SLC2A13: variants seen among roughly 807,000 people sequenced by gnomAD.
The protein encoded by SLC2A13 is solute carrier family 2 member 13.
A neutral mutation model predicts 64.4 loss-of-function variants in SLC2A13; 32 were observed. That is an observed-to-expected ratio of 0.50 (90% CI 0.37 to 0.67). The LOEUF is 0.67. SLC2A13 is among the 30% of genes least tolerant of loss of function. The pLI is 0.00. For missense variants in SLC2A13, 743 were observed against 829.2 expected, an observed-to-expected ratio of 0.90 and a Z score of 1.28; for synonymous variants, 338 against 327.1, an observed-to-expected ratio of 1.03 and a Z score of -0.36.
At chr12:40,033,138 G>A (rs940832180) in intron 2 of SLC2A13, among the ~76,000 whole-genome samples, 1 of 152,128 alleles carries the variant, frequency 6.6e-6, no homozygotes, top group Non-Finnish European at 1.5e-5. Flanking sequence ...ACAAAGCAAT[G>A]AGGCACAAAG....
intron 7 of SLC2A13, among the ~76,000 whole-genome samples, chr12:39,822,836 T>G (rs1942562235): frequency 6.6e-6 from 1 of 152,248 alleles, no homozygotes; most frequent in African/African-American, 2.4e-5. Context: ...TGAATATCGC[T>G]ACTTGGATAA....
At chr12:39,859,720 T>C (rs1943707929) in intron 6 of SLC2A13, among the ~76,000 whole-genome samples, 1 of 151,950 alleles carries the variant, frequency 6.6e-6, no homozygotes, top group Non-Finnish European at 1.5e-5. Context: ...AGAGCTGGGG[T>C]TTCACCATGT....
intron 1 of SLC2A13, among the ~76,000 whole-genome samples, chr12:40,078,426 T>C (rs1938264730): frequency 1.3e-5 from 2 of 152,228 alleles, no homozygotes; most frequent in Admixed American, 6.5e-5. Flanking sequence ...TTTTCAGTTT[T>C]ATGTGATAAA....
At chr12:40,075,762 T>G (rs1336612777) in intron 1 of SLC2A13, among the ~76,000 whole-genome samples, 3 of 152,192 alleles carry the variant, frequency 2.0e-5, no homozygotes, top group Non-Finnish European at 2.9e-5. Flanking sequence ...GTCCTACAAG[T>G]CCTTAAGAGT....
intron 4 of SLC2A13, among the ~76,000 whole-genome samples, chr12:39,913,523 A>T (rs999707316): frequency 1.3e-5 from 2 of 151,830 alleles, no homozygotes; most frequent in African/African-American, 4.8e-5. Context: ...AAAAAAAAAA[A>T]TCTAGCATTA....
Position 40,105,704 on chromosome 12 carries a change from C to A in SLC2A13, c.105G>T (p.Ala35=), listed in dbSNP as rs1939289052. ...CAGCCAGGAGGCTGCACTCCCCGGC[C>A]GCGCTCGCCGCGTCCGGCTCCGGCT... The part of the protein sequence containing the change: ...RKQPEPDAAS[A]AGECSLLAAA... Residue 35 remains alanine (A), a synonymous_variant, in exon 1 of 10, where the codon GCG becomes GCT. Coordinates refer to ENST00000280871, the MANE Select transcript of SLC2A13 (RefSeq NM_052885.4). The surrounding 1 kb of genome is among the most constrained non-coding windows in gnomAD (Gnocchi z 4.2). 2.7e-6 allele frequency: 4 copies of A among 1,480,688 alleles called. No homozygotes were observed. Among genetic ancestry groups the A allele is most frequent in the Non-Finnish European group, 3.6e-6 (4 of 1,116,022 alleles). The allele number at this position is 1,480,688 out of a possible 1,614,324, so 91.7% of individuals were successfully genotyped here.
intron 6 of SLC2A13, among the ~76,000 whole-genome samples, chr12:39,855,017 T>C (rs1320984053): frequency 6.6e-6 from 1 of 152,204 alleles, no homozygotes; most frequent in African/African-American, 2.4e-5. Flanking sequence ...TACTGAAATT[T>C]AGCATTTCCT....
chr12:39,896,101 TATAC>T (rs1396934948), intron 4 of SLC2A13, among the ~76,000 whole-genome samples: 1 of 149,312 alleles, frequency 6.7e-6, no homozygotes, highest in Admixed American at 6.7e-5. Context: ...TATACACGTG[TATAC>T]ATATATGAAT....
At chr12:40,067,373 T>C (rs1397444767) in intron 1 of SLC2A13, among the ~76,000 whole-genome samples, 2 of 152,140 alleles carry the variant, frequency 1.3e-5, no homozygotes, top group Non-Finnish European at 2.9e-5. Context: ...GGCTAATTTT[T>C]TAATTTTTTA....
At chr12:39,893,301 C>CTCTTT (rs1217421173) in intron 4 of SLC2A13, among the ~76,000 whole-genome samples, 2 of 152,082 alleles carry the variant, frequency 1.3e-5, no homozygotes, top group African/African-American at 2.4e-5. Flanking sequence ...AGTTTTATAG[C>CTCTTT]TCTTTTCTTT....
In SLC2A13 at chr12:39,924,468, ATTC is replaced by A. The variant is rs369653664; in HGVS notation, c.1034+26786_1034+26788del. On this transcript the variant is annotated intron_variant, in intron 4 of 9. Transcript: ENST00000280871. ...GTATTTGCTTCAATCACTGTTTTCA[ATTC>A]TTCTTCCTTCATTTTTTTTCTTTCA... 2.4e-3 allele frequency among the ~76,000 whole-genome samples: 362 copies of A among 152,040 alleles called. 1 individual carries two copies. The highest frequency in any genetic ancestry group is 7.7e-3 in the African/African-American group (321 of 41,456).
intron 7 of SLC2A13, among the ~76,000 whole-genome samples, chr12:39,801,295 G>T (rs1219936674): frequency 1.4e-5 from 2 of 141,806 alleles, no homozygotes; most frequent in African/African-American, 2.6e-5. Context: ...TTTTATAATA[G>T]TGTTTCACTT....
At chr12:39,783,518 C>T (rs201155053) in intron 7 of SLC2A13, among the ~76,000 whole-genome samples, 20,626 of 152,142 alleles carry the variant, frequency 0.14, 1,683 homozygotes, top group East Asian at 0.39. Context: ...TACCCCACAT[C>T]CTCTCCAGCA....
rs985938600 is a variant in SLC2A13, at chr12:39,928,722, G to T, written c.1034+22535C>A. Among the ~76,000 whole-genome samples the T allele has an allele frequency of 2.0e-5, 3 of 152,114 alleles. No individual in the cohort carries two copies. The South Asian group carries it at 6.2e-4, about 32-fold the overall frequency. Reference sequence around the variant, plus strand: ...ATTAAAGTTTGTATGCAAGGATAAAGAACATCAGACTGGAAGCTTTGGACA... The same window carrying T: ...ATTAAAGTTTGTATGCAAGGATAAATAACATCAGACTGGAAGCTTTGGACA... On this transcript the variant is annotated intron_variant, in intron 4 of 9. Transcript: ENST00000280871.
In SLC2A13 at chr12:39,830,292, T is replaced by C. The variant is rs1022829231; in HGVS notation, c.1320-64A>G. 87 of 1,559,512 alleles carry C rather than the reference T, an allele frequency of 5.6e-5. 2 individuals carry two copies. In the Middle Eastern group the frequency reaches 8.8e-4, roughly 16 times the overall value. ...CAACTGGTGCTCACCATATACTGGA[T>C]TCCATGTGCTTCTCTGCATTTTCCA... On this transcript the variant is annotated intron_variant, in intron 6 of 9. Coordinates refer to ENST00000280871, the MANE Select transcript of SLC2A13 (RefSeq NM_052885.4).
chr12:39,977,768 G>T (rs1471726628), intron 3 of SLC2A13, among the ~76,000 whole-genome samples: 1 of 152,162 alleles, frequency 6.6e-6, no homozygotes, highest in African/African-American at 2.4e-5. Context: ...TGCTAAAATG[G>T]CTTATTCAGT....
intron 2 of SLC2A13, among the ~76,000 whole-genome samples, chr12:40,037,757 G>A (rs1001273144): frequency 6.6e-6 from 1 of 151,868 alleles, no homozygotes; most frequent in Admixed American, 6.6e-5. Context: ...TCCATTTTTG[G>A]TAAGTTGTGA....
chr12:39,953,337 T>C (rs1946264770), intron 3 of SLC2A13, among the ~76,000 whole-genome samples: 2 of 152,236 alleles, frequency 1.3e-5, no homozygotes, highest in Admixed American at 6.5e-5. Flanking sequence ...AGTTCCTTTA[T>C]TAGACTGCAT....
intron 1 of SLC2A13, among the ~76,000 whole-genome samples, chr12:40,078,876 C>T (rs1320718152): frequency 2.0e-5 from 3 of 152,028 alleles, no homozygotes; most frequent in Non-Finnish European, 4.4e-5. Flanking sequence ...TTTACATTTC[C>T]AGGAATTTAT....
Sources: allele counts gnomAD v4.1 joint callset (sites outside exome capture counted in the v4.1 genomes callset), GRCh38; gene constraint gnomAD v4.1.1; non-coding constraint Gnocchi (gnomAD v3.1); transcripts MANE v1.5; gene names NCBI Gene and HGNC (gene_info 2026-07-23, HGNC 2026-07-21).